The following SSU72 variants were observed in gnomAD, a reference collection of about 807,000 sequenced individuals.
The protein encoded by SSU72 is SSU72 homolog, RNA polymerase II CTD phosphatase.
A neutral mutation model predicts 22.7 loss-of-function variants in SSU72; 12 were observed. The observed-to-expected ratio is 0.53, with a 90% CI of 0.34 to 0.86. The LOEUF (loss-of-function observed/expected upper bound fraction) is 0.86, where lower values mean the gene tolerates loss of function less well. Ranked by LOEUF, SSU72 falls within the 40% of genes least tolerant of loss-of-function variation. The pLI is 0.02. For synonymous variants in SSU72, 116 were observed against 98.3 expected (o/e 1.18, Z -1.06); for missense variants, 151 against 249.8 (o/e 0.60, Z 2.67).
intron 1 of SSU72, among the ~76,000 whole-genome samples, chr1:1,572,105 T>A (rs753720916): frequency 1.3e-5 from 2 of 149,582 alleles, no homozygotes; most frequent in African/African-American, 4.9e-5. Flanking sequence ...CTAAATAGAA[T>A]TTTTAAAACA....
At chr1:1,565,112 GGCGGA>G (rs1642643228) in intron 1 of SSU72, among the ~76,000 whole-genome samples, 196 bp from the exon 2 acceptor site, 1 of 43,822 alleles carries the variant, frequency 2.3e-5, no homozygotes, top group Admixed American at 3.3e-4. Flanking sequence ...GGCCAAGGCA[GGCGGA>G]TCATGAAGGC....
At chr1:1,571,919 T>C (rs1267020963) in intron 1 of SSU72, among the ~76,000 whole-genome samples, 2 of 151,484 alleles carry the variant, frequency 1.3e-5, no homozygotes, top group Admixed American at 1.3e-4. Context: ...CTCAGCCTCC[T>C]GAGCAGCTGG....
intron 1 of SSU72, among the ~76,000 whole-genome samples, chr1:1,573,107 G>A (rs2100725986): frequency 2.0e-5 from 3 of 150,352 alleles, no homozygotes; most frequent in African/African-American, 7.3e-5. Context: ...TGGCCAGCAT[G>A]GTGAAGCTCC....
chr1:1,570,535 G>A (rs1195138364), intron 1 of SSU72, among the ~76,000 whole-genome samples: 3 of 151,782 alleles, frequency 2.0e-5, no homozygotes, highest in Non-Finnish European at 4.4e-5. Context: ...GGCACTCAGC[G>A]CCAATGCCAC....
intron 2 of SSU72, among the ~76,000 whole-genome samples, chr1:1,552,181 G>A (rs937825330): frequency 6.6e-6 from 1 of 152,168 alleles, no homozygotes; most frequent in Non-Finnish European, 1.5e-5. Context: ...CTTCCTCCGC[G>A]AAGCCCTCTG....
At position 1,542,116 on chromosome 1, in the gene SSU72, A is replaced by G. The variant is rs1642328525; in HGVS notation, c.535T>C (p.Phe179Leu). 1 of 1,595,478 alleles carries G rather than the reference A, an allele frequency of 6.3e-7. No homozygotes were observed. The highest frequency in any genetic ancestry group is 1.3e-5 in the African/African-American group (1 of 74,490). Reference protein sequence around the residue: ...ENEIDELLQEFEEKSGRTFLH... With the variant: ...ENEIDELLQELEEKSGRTFLH... ...AAGGTGCGGCCACTCTTCTCCTCGAACTCCTGCAGCAGCTCGTCGATCTCG... is the reference window on the plus strand; with the variant it reads ...AAGGTGCGGCCACTCTTCTCCTCGAGCTCCTGCAGCAGCTCGTCGATCTCG... Residue 179 changes from phenylalanine (F) to leucine (L), a missense_variant, in exon 5 of 5, where the codon TTC becomes CTC. Transcript: ENST00000291386. The surrounding 1 kb of genome is among the most constrained non-coding windows in gnomAD (Gnocchi z 4.4).
chr1:1,542,024 A>T lies in SSU72; in HGVS notation c.*42T>A, dbSNP rs1234971320. On this transcript the variant is annotated 3_prime_UTR_variant, in exon 5 of 5. Transcript: ENST00000291386. The surrounding 1 kb of genome is among the most constrained non-coding windows in gnomAD (Gnocchi z 4.4). ...AAATGTCAGGAAGGAAAAAGTATGA[A>T]CAACAGGAAGCTCCAGAGGCGGCTC... 6.5e-7 allele frequency: 1 copy of T among 1,536,792 alleles called. No homozygotes were observed. Among genetic ancestry groups the T allele is most frequent in the African/African-American group, 1.4e-5 (1 of 72,842 alleles).
At chr1:1,549,518 C>CA (rs57552661) in intron 2 of SSU72, among the ~76,000 whole-genome samples, 4,327 of 100,712 alleles carry the variant, frequency 0.043, 218 homozygotes, top group African/African-American at 0.14. Context: ...GACTCTGTCT[C>CA]AAAAAAAAAA....
Position 1,541,963 on chromosome 1 carries a change from G to T in SSU72, c.*103C>A. 9.1e-7 allele frequency: 1 copy of T among 1,097,868 alleles called. No homozygotes were observed. Among genetic ancestry groups the T allele is most frequent in the Non-Finnish European group, 1.3e-6 (1 of 747,410 alleles). The allele number at this position is 1,097,868 out of a possible 1,614,324, so 68.0% of individuals were successfully genotyped here. On this transcript the variant is annotated 3_prime_UTR_variant, in exon 5 of 5. Coordinates refer to ENST00000291386, the MANE Select transcript of SSU72 (RefSeq NM_014188.3). ...CATATGCACAGTTTATTTGGGTAAT[G>T]CTACCGTCACCAGCAGAACACCTGT...
At chr1:1,555,098 G>A (rs987682821) in intron 2 of SSU72, among the ~76,000 whole-genome samples, 7 of 152,116 alleles carry the variant, frequency 4.6e-5, no homozygotes, top group Non-Finnish European at 5.9e-5. Flanking sequence ...AGATTGTCCC[G>A]GTAACTGAGT....
intron 1 of SSU72, among the ~76,000 whole-genome samples, chr1:1,569,127 T>A (rs1642698021): frequency 6.6e-6 from 1 of 151,378 alleles, no homozygotes; most frequent in Admixed American, 6.6e-5. Context: ...TGAGCCGAGA[T>A]CTTGCCACTG....
At chr1:1,551,033 C>T (rs1470126127) in intron 2 of SSU72, among the ~76,000 whole-genome samples, 2 of 152,184 alleles carry the variant, frequency 1.3e-5, no homozygotes, top group Non-Finnish European at 2.9e-5. Flanking sequence ...CTTCAACAAC[C>T]TCTACAGGGC....
intron 2 of SSU72, among the ~76,000 whole-genome samples, chr1:1,559,602 C>T (rs1642560923): frequency 6.6e-6 from 1 of 152,182 alleles, no homozygotes; most frequent in Non-Finnish European, 1.5e-5. Context: ...TATTACTACC[C>T]TGGCTGGAGT....
chr1:1,573,429 C>CAAAAA (rs56930035), intron 1 of SSU72, among the ~76,000 whole-genome samples: 31 of 107,514 alleles, frequency 2.9e-4, no homozygotes, highest in Non-Finnish European at 5.4e-4. Context: ...GACTCTGTCT[C>CAAAAA]AAAAAAAAAA....
intron 4 of SSU72, among the ~76,000 whole-genome samples, chr1:1,543,384 G>C (rs1233358073): frequency 6.6e-6 from 1 of 152,238 alleles, no homozygotes; most frequent in Non-Finnish European, 1.5e-5. Flanking sequence ...AAGGTACCAG[G>C]CGTTCCCTGG....
At chr1:1,550,527 A>G (rs1642443687) in intron 2 of SSU72, among the ~76,000 whole-genome samples, 1 of 152,192 alleles carries the variant, frequency 6.6e-6, no homozygotes, top group African/African-American at 2.4e-5. Flanking sequence ...CAGCACTCAG[A>G]GAATCAGTGC....
chr1:1,546,771 C>T (rs76886820), intron 2 of SSU72, among the ~76,000 whole-genome samples: 5 of 141,770 alleles, frequency 3.5e-5, no homozygotes, highest in Non-Finnish European at 6.1e-5. Context: ...TCAACCCGGG[C>T]GGCGGAGGTT....
chr1:1,553,304 C>T lies in SSU72; in HGVS notation c.225-8302G>A, dbSNP rs145660342. Among the ~76,000 whole-genome samples the T allele has an allele frequency of 5.0e-3, 756 of 152,148 alleles. 6 individuals are homozygous for T. Among genetic ancestry groups the T allele is most frequent in the African/African-American group, 0.017 (703 of 41,492 alleles). On this transcript the variant is annotated intron_variant, in intron 2 of 4. Coordinates refer to ENST00000291386, the MANE Select transcript of SSU72 (RefSeq NM_014188.3). ...ACATAAGGGACTTCTTATCTCCACC[C>T]CAGGACATTCCAGTTATTTAGTTAT...
At chr1:1,574,432 C>G in intron 1 of SSU72, 46 bp downstream of exon 1, 1 of 1,549,726 alleles carries the variant, frequency 6.5e-7, no homozygotes, top group South Asian at 1.2e-5. Flanking sequence ...GAGGGAGGGC[C>G]GGTCGCCGGA....
Sources: allele counts gnomAD v4.1 joint callset (sites outside exome capture counted in the v4.1 genomes callset), GRCh38; gene constraint gnomAD v4.1.1; non-coding constraint Gnocchi (gnomAD v3.1); transcripts MANE v1.5; gene names NCBI Gene and HGNC (gene_info 2026-07-23, HGNC 2026-07-21).